The following MARCHF1 variants were observed in gnomAD, a reference collection of about 807,000 sequenced individuals.
The protein encoded by MARCHF1 is E3 ubiquitin-protein ligase MARCHF1.
Under a neutral mutation model 54.2 loss-of-function variants are expected in MARCHF1, and 40 were observed. The observed-to-expected ratio is 0.74, with a 90% CI of 0.57 to 0.96. The LOEUF (loss-of-function observed/expected upper bound fraction) is 0.96, where lower values mean the gene tolerates loss of function less well. Ranked by LOEUF, MARCHF1 falls within the 40% of genes least tolerant of loss-of-function variation. The pLI is 0.00. For missense variants in MARCHF1, 586 were observed against 656.5 expected (o/e 0.89, Z 1.17); for synonymous variants, 236 against 236.3 (o/e 1.00, Z 0.01).
At chr4:163,681,609 A>G (rs140997862) in intron 5 of MARCHF1, among the ~76,000 whole-genome samples, 44 of 152,220 alleles carry the variant, frequency 2.9e-4, no homozygotes, top group African/African-American at 1.1e-3. Context: ...ATGGTTTTAT[A>G]AGGGGCTTTT....
chr4:163,991,068 GGTTGA>G lies in MARCHF1; in HGVS notation c.-247-2364_-247-2360del, dbSNP rs369388985. Among the ~76,000 whole-genome samples the G allele has an allele frequency of 1.5e-3, 221 of 152,130 alleles. No homozygotes were observed. In the Middle Eastern group the frequency reaches 0.024, roughly 16 times the overall value. ...AATTTTGAGTTAATTTGATTTATGT[GGTTGA>G]GTTATTTCAATTAGCTTTCTTTTAT... On this transcript the variant is annotated intron_variant, in intron 2 of 9. Coordinates refer to ENST00000514618, the MANE Select transcript of MARCHF1 (RefSeq NM_001394959.1).
In MARCHF1 at chr4:163,978,547, A is replaced by C. The variant is rs115000470; in HGVS notation, c.-39+9954T>G. ...TATATGAGGAAACTGAGGCACAGAG[A>C]TGGAAAGTAACCTGAGTTTCCACAG... On this transcript the variant is annotated intron_variant, in intron 3 of 9. Transcript: ENST00000514618. Among the ~76,000 whole-genome samples, 1,218 of 152,272 alleles carry C rather than the reference A, an allele frequency of 8.0e-3. 7 individuals carry two copies. Among genetic ancestry groups the C allele is most frequent in the Non-Finnish European group, 0.013 (882 of 68,022 alleles).
intron 3 of MARCHF1, among the ~76,000 whole-genome samples, chr4:163,918,760 G>C (rs1751363741): frequency 7.3e-6 from 1 of 136,946 alleles, no homozygotes; most frequent in East Asian, 2.5e-4. Context: ...TGCATTAACT[G>C]ATAATTGGTA....
At chr4:163,652,835 A>C (rs949871372) in intron 5 of MARCHF1, among the ~76,000 whole-genome samples, 7 of 151,838 alleles carry the variant, frequency 4.6e-5, no homozygotes, top group Admixed American at 3.3e-4. Flanking sequence ...GCCTGCCTGA[A>C]GTCCAAATGT....
intron 1 of MARCHF1, among the ~76,000 whole-genome samples, chr4:164,360,394 T>C (rs1435653056): frequency 6.6e-6 from 1 of 152,186 alleles, no homozygotes; most frequent in East Asian, 1.9e-4. Context: ...TAGATTCTTA[T>C]GTCTCTATTA....
intron 1 of MARCHF1, among the ~76,000 whole-genome samples, chr4:164,170,724 A>G (rs1361278097): frequency 6.6e-6 from 1 of 152,134 alleles, no homozygotes; most frequent in African/African-American, 2.4e-5. Context: ...TTTAAATCTG[A>G]TTAGAAGAAA....
chr4:164,276,953 G>T (rs200787747), intron 1 of MARCHF1, among the ~76,000 whole-genome samples: 70,003 of 113,556 alleles, frequency 0.62, 19,555 homozygotes, highest in Non-Finnish European at 0.65. Flanking sequence ...TATATAGAGA[G>T]AGAGAGAGAG....
intron 2 of MARCHF1, among the ~76,000 whole-genome samples, chr4:164,032,524 G>C (rs1224962080): frequency 6.6e-6 from 1 of 152,094 alleles, no homozygotes; most frequent in Non-Finnish European, 1.5e-5. Flanking sequence ...AGAGATTCTG[G>C]TATGTTGTCT....
At chr4:163,643,355 A>AATAAAAATAAAAATAAAAATAAAC in intron 5 of MARCHF1, among the ~76,000 whole-genome samples, 1 of 151,536 alleles carries the variant, frequency 6.6e-6, no homozygotes, top group East Asian at 1.9e-4. Context: ...TAAAAATAAA[A>AATAAAAATAAAAATAAAAATAAAC]ATAAATTCAG....
chr4:163,845,004 G>A (rs1749444584), intron 4 of MARCHF1, among the ~76,000 whole-genome samples: 1 of 152,102 alleles, frequency 6.6e-6, no homozygotes, highest in African/African-American at 2.4e-5. Context: ...ATAGGACTCT[G>A]GGTTCCTGTT....
rs150339840 is a variant in MARCHF1, at chr4:164,061,045, G to T, written c.-248+50543C>A. 5.2e-3 allele frequency among the ~76,000 whole-genome samples: 793 copies of T among 152,132 alleles called. 6 individuals carry two copies. Among genetic ancestry groups the T allele is most frequent in the African/African-American group, 0.018 (755 of 41,520 alleles). On this transcript the variant is annotated intron_variant, in intron 2 of 9. Transcript: ENST00000514618. ...ATGTATCCAGCTAACCTATCATTTT[G>T]CTCTTTTTTATCCATACGATTTGTA...
chr4:163,614,525 T>C (rs888411009), intron 5 of MARCHF1, among the ~76,000 whole-genome samples: 1 of 151,988 alleles, frequency 6.6e-6, no homozygotes, highest in Non-Finnish European at 1.5e-5. Flanking sequence ...GGTAAAAAGA[T>C]TACCCCAAAT....
intron 4 of MARCHF1, among the ~76,000 whole-genome samples, chr4:163,842,398 A>G (rs1749365692): frequency 6.8e-6 from 1 of 148,104 alleles, no homozygotes; most frequent in African/African-American, 2.4e-5. Context: ...TTACATATAT[A>G]TGTAAAATAA....
rs770830249 is a variant in MARCHF1 at position 164,008,491 on chromosome 4, G to A, written c.-247-19782C>T. On this transcript the variant is annotated intron_variant, in intron 2 of 9. Coordinates refer to ENST00000514618, the MANE Select transcript of MARCHF1 (RefSeq NM_001394959.1). Reference sequence around the variant, plus strand: ...CATATTAGATAAAATAGACCTAACTGGCATTTACATAACATTTCATCCAAC... The same window carrying A: ...CATATTAGATAAAATAGACCTAACTAGCATTTACATAACATTTCATCCAAC... Among the ~76,000 whole-genome samples the A allele has an allele frequency of 4.6e-5, 7 of 151,902 alleles. No homozygotes were observed. In the South Asian group the frequency reaches 8.3e-4, roughly 18 times the overall value.
intron 1 of MARCHF1, among the ~76,000 whole-genome samples, chr4:164,177,505 A>G (rs1206623530): frequency 1.1e-5 from 1 of 89,870 alleles, no homozygotes; most frequent in Non-Finnish European, 2.2e-5. Context: ...TCTTTCAGAG[A>G]CTCAATATAG....
chr4:164,234,615 T>C (rs1732497761), intron 1 of MARCHF1, among the ~76,000 whole-genome samples: 1 of 152,156 alleles, frequency 6.6e-6, no homozygotes, highest in Non-Finnish European at 1.5e-5. Context: ...AATCTTATAA[T>C]GGATTGACTT....
rs374552400 is a variant in MARCHF1, at chr4:164,135,457, A to G, written c.-322-23795T>C. Reference sequence around the variant, plus strand: ...TTGGGGAGGCCTCAGAAAATTCACAATCATGGTGGAAGGGGAAGCAAACAC... The same window carrying G: ...TTGGGGAGGCCTCAGAAAATTCACAGTCATGGTGGAAGGGGAAGCAAACAC... On this transcript the variant is annotated intron_variant, in intron 1 of 9. Transcript: ENST00000514618. The G allele has an allele frequency of 2.6e-5, 4 of 152,340 alleles. No homozygotes were observed. The South Asian group carries it at 6.2e-4, about 24-fold the overall frequency. The allele number at this position is 152,340 out of a possible 1,614,324, so 9.4% of individuals were successfully genotyped here. A position where few individuals can be genotyped will look rare whatever the true frequency, so the allele number is the denominator to read the frequency against.
At chr4:163,567,186 C>A (rs1225327581) in intron 8 of MARCHF1, among the ~76,000 whole-genome samples, 2 of 151,736 alleles carry the variant, frequency 1.3e-5, no homozygotes, top group African/African-American at 4.8e-5. Context: ...ATCTCTTCCA[C>A]AAATAAATAA....
intron 5 of MARCHF1, among the ~76,000 whole-genome samples, chr4:163,639,709 G>C (rs1010700934): frequency 6.6e-6 from 1 of 152,092 alleles, no homozygotes; most frequent in South Asian, 2.1e-4. Flanking sequence ...CTTTCAGACA[G>C]AGTATACTAA....
Sources: gnomAD v4.1 joint callset for allele counts (sites outside exome capture counted in the v4.1 genomes callset) on GRCh38, gnomAD v4.1.1 for gene constraint, MANE v1.5 for transcripts, NCBI Gene and HGNC (gene_info 2026-07-23, HGNC 2026-07-21) for gene names.